Variants in MID1 observed in about 807,000 individuals in gnomAD.
The protein encoded by MID1 is midline 1.
A neutral mutation model predicts 40.4 loss-of-function variants in MID1; 7 were observed. The observed-to-expected ratio is 0.17, with a 90% CI of 0.10 to 0.33. MID1 has a LOEUF of 0.33. MID1 is among the 10% of genes least tolerant of loss of function. The pLI is 1.00. For missense variants in MID1, 367 were observed against 558.5 expected, an observed-to-expected ratio of 0.66 and a Z score of 3.46; for synonymous variants, 229 against 221.2, an observed-to-expected ratio of 1.04 and a Z score of -0.31.
chrX:10,745,885 A>C (rs1005047460), intron 1 of MID1, among the ~76,000 whole-genome samples: 6 of 112,564 alleles, frequency 5.3e-5, no homozygotes, highest in African/African-American at 1.9e-4. Flanking sequence ...TTAGCCCATC[A>C]ATTAACATAT....
chrX:10,480,861 T>C lies in MID1; in HGVS notation c.1013+1619A>G, dbSNP rs760472944. Among the ~76,000 whole-genome samples the C allele has an allele frequency of 1.4e-3, 154 of 112,243 alleles. 3 individuals carry two copies. Among genetic ancestry groups the C allele is most frequent in the South Asian group, 7.4e-4 (2 of 2,702 alleles). On this transcript the variant is annotated intron_variant, in intron 5 of 9. Transcript: ENST00000317552. Reference sequence around the variant, plus strand: ...GTAGACCAGAGTTGTAAAAACACGATACATTACTCTTTAAGAAGAGTGAAA... The same window carrying C: ...GTAGACCAGAGTTGTAAAAACACGACACATTACTCTTTAAGAAGAGTGAAA...
intron 3 of MID1, among the ~76,000 whole-genome samples, chrX:10,522,815 G>A (rs1932762996): frequency 9.0e-6 from 1 of 111,714 alleles, no homozygotes; most frequent in African/African-American, 3.3e-5. Context: ...TTTTTTGACT[G>A]TTCTTTGTAA....
At chrX:10,736,177 C>G (rs1381371201) in intron 1 of MID1, among the ~76,000 whole-genome samples, 1 of 111,440 alleles carries the variant, frequency 9.0e-6, no homozygotes, top group Admixed American at 9.5e-5. Flanking sequence ...GACGGGGTTT[C>G]ACCGTGTTAG....
chrX:10,548,996 A>AT (rs1036409133), intron 2 of MID1, among the ~76,000 whole-genome samples: 17 of 110,273 alleles, frequency 1.5e-4, no homozygotes, highest in Non-Finnish European at 2.9e-4. Flanking sequence ...TTCTTAGCTG[A>AT]TTTTTTTTTC....
chrX:10,692,473 C>G (rs755613577), intron 1 of MID1, among the ~76,000 whole-genome samples: 2 of 111,135 alleles, frequency 1.8e-5, no homozygotes, highest in South Asian at 7.7e-4. Context: ...AAAAATTAGC[C>G]AGGTGTGGTG....
intron 1 of MID1, among the ~76,000 whole-genome samples, chrX:10,811,249 A>G (rs752957554): frequency 8.9e-6 from 1 of 112,313 alleles, no homozygotes; most frequent in African/African-American, 3.2e-5. Context: ...ATAGTCCATG[A>G]AAAAATTACT....
At chrX:10,816,160 A>C (rs1364803217) in intron 1 of MID1, among the ~76,000 whole-genome samples, 2 of 112,221 alleles carry the variant, frequency 1.8e-5, no homozygotes, top group Non-Finnish European at 3.8e-5. Flanking sequence ...AAAGTAAGTC[A>C]TAGTTTTTAA....
At chrX:10,621,369 A>T (rs1569130585), upstream of MID1, among the ~76,000 whole-genome samples, 2 of 111,945 alleles carry the variant, frequency 1.8e-5, no homozygotes, top group Non-Finnish European at 3.8e-5. Flanking sequence ...AAACAAACTC[A>T]GACCAAAAAA....
rs111954715 is a variant in MID1 at position 10,462,657 on chromosome X, AT to A, written c.1286-2851del. 1.4e-3 allele frequency among the ~76,000 whole-genome samples: 148 copies of A among 108,277 alleles called. 1 individual carries two copies. Among genetic ancestry groups the A allele is most frequent in the African/African-American group, 1.9e-3 (57 of 29,837 alleles). The allele number at this position is 108,277 out of a possible 115,157, so 94.0% of individuals were successfully genotyped here. A position where few individuals can be genotyped will look rare whatever the true frequency, so the allele number is the denominator to read the frequency against. ...TTAATTGAGTTTTTTGATTTTATAC[AT>A]TTTTTTTTTCATTCACAATGGGTTA... On this transcript the variant is annotated intron_variant, in intron 7 of 9. Coordinates refer to ENST00000317552, the MANE Select transcript of MID1 (RefSeq NM_000381.4).
chrX:10,655,743 G>T lies in MID1; in HGVS notation c.-186-35324C>A, dbSNP rs764931254. ...GGTTTGGGGCTTGTGCTCGCTGGCC[G>T]CTGGGAACCTTTCATTAATATATAA... On this transcript the variant is annotated intron_variant, in intron 1 of 10. Coordinates refer to the MID1 transcript ENST00000380785. Among the ~76,000 whole-genome samples, 349 of 110,899 alleles carry T rather than the reference G, an allele frequency of 3.1e-3. 2 individuals carry two copies. The highest frequency in any genetic ancestry group is 0.011 in the African/African-American group (338 of 30,514).
At chrX:10,516,609 T>TGTGCGC (rs1491262374) in intron 3 of MID1, among the ~76,000 whole-genome samples, 1 of 50,373 alleles carries the variant, frequency 2.0e-5, no homozygotes, top group African/African-American at 1.0e-4. Context: ...TGTGTGTGTG[T>TGTGCGC]GCGCGCGCGC....
At chrX:10,507,045 T>G (rs1389030132) in intron 3 of MID1, among the ~76,000 whole-genome samples, 1 of 112,023 alleles carries the variant, frequency 8.9e-6, no homozygotes, top group Non-Finnish European at 1.9e-5. Context: ...ATTATTGTCT[T>G]TCTGGAACAA....
At chrX:10,623,332 AG>A (rs1287453088), upstream of MID1, among the ~76,000 whole-genome samples, 46 of 109,601 alleles carry the variant, frequency 4.2e-4, no homozygotes, top group African/African-American at 1.5e-3. Context: ...GAAGGAAGGA[AG>A]GAAGGGAAAA....
chrX:10,522,506 C>CT (rs1231989818), intron 3 of MID1, among the ~76,000 whole-genome samples: 4 of 111,327 alleles, frequency 3.6e-5, no homozygotes, highest in East Asian at 2.8e-4. Flanking sequence ...AATACAATAC[C>CT]TTTTTTTTGA....
At chrX:10,708,686 A>G (rs1459662181) in intron 1 of MID1, among the ~76,000 whole-genome samples, 1 of 111,608 alleles carries the variant, frequency 9.0e-6, no homozygotes, top group Admixed American at 9.6e-5. Flanking sequence ...TCGAGGGTGT[A>G]TGCGGAGTGA....
intron 1 of MID1, among the ~76,000 whole-genome samples, chrX:10,817,727 C>A (rs1255361568): frequency 1.9e-5 from 2 of 104,263 alleles, no homozygotes; most frequent in Non-Finnish European, 3.9e-5. Context: ...TAACGTGATT[C>A]TCGTGCTTCA....
chrX:10,713,070 T>C (rs1404033851), intron 1 of MID1, among the ~76,000 whole-genome samples: 1 of 110,783 alleles, frequency 9.0e-6, no homozygotes, highest in East Asian at 2.9e-4. Context: ...CTCCTGACCT[T>C]GTGATCCACC....
At position 10,772,136 on chromosome X, in the gene MID1, T is replaced by G. The variant is rs568416826; in HGVS notation, c.-187+61418A>C. 5.5e-5 allele frequency among the ~76,000 whole-genome samples: 6 copies of G among 109,878 alleles called. No homozygotes were observed. The South Asian group carries it at 2.3e-3, about 43-fold the overall frequency. ...AGTAGTGGATAAATAAAGTGTGGGG[T>G]GTGTGTGTATATGTGTGTGTGTATA... On this transcript the variant is annotated intron_variant, in intron 1 of 10. Coordinates refer to the MID1 transcript ENST00000380785.
chrX:10,487,102 C>T (rs1162103787), intron 4 of MID1, among the ~76,000 whole-genome samples: 2 of 111,935 alleles, frequency 1.8e-5, no homozygotes, highest in Non-Finnish European at 3.8e-5. Flanking sequence ...TCAAGTGATC[C>T]TCTCGCCTTG....
Sources: gnomAD v4.1 joint callset for allele counts (sites outside exome capture counted in the v4.1 genomes callset) on GRCh38, gnomAD v4.1.1 for gene constraint, MANE v1.5 for transcripts, NCBI Gene and HGNC (gene_info 2026-07-23, HGNC 2026-07-21) for gene names.